The following CDH12 variants were observed in gnomAD, a reference collection of about 807,000 sequenced individuals.
The protein encoded by CDH12 is cadherin-12.
Under a neutral mutation model 74.1 loss-of-function variants are expected in CDH12, and 41 were observed. That is an observed-to-expected ratio of 0.55 (90% CI 0.43 to 0.72). The LOEUF is 0.72. Ranked by LOEUF, CDH12 falls within the 30% of genes least tolerant of loss-of-function variation. The pLI is 0.00. For missense variants in CDH12, 945 were observed against 977.2 expected, an observed-to-expected ratio of 0.97 and a Z score of 0.44; for synonymous variants, 399 against 355.0, an observed-to-expected ratio of 1.12 and a Z score of -1.39.
At chr5:22,230,013 G>A (rs187594203) in intron 3 of CDH12, among the ~76,000 whole-genome samples, 28 of 152,090 alleles carry the variant, frequency 1.8e-4, no homozygotes, top group African/African-American at 6.0e-4. Flanking sequence ...GTAGGACTAC[G>A]CTGCTATAAA....
chr5:21,773,375 G>A (rs1745426191), intron 11 of CDH12, among the ~76,000 whole-genome samples: 1 of 152,168 alleles, frequency 6.6e-6, no homozygotes, highest in African/African-American at 2.4e-5. Flanking sequence ...CTAATCAACT[G>A]CCAGTGGGGT....
At chr5:22,346,432 A>G (rs1221152361) in intron 3 of CDH12, among the ~76,000 whole-genome samples, 2 of 152,160 alleles carry the variant, frequency 1.3e-5, no homozygotes, top group African/African-American at 4.8e-5. Context: ...TTGTGGCCCA[A>G]ATTGAAAACA....
intron 1 of CDH12, among the ~76,000 whole-genome samples, chr5:22,712,102 G>T (rs899454759): frequency 7.2e-5 from 11 of 152,042 alleles, no homozygotes; most frequent in African/African-American, 2.4e-4. Flanking sequence ...TAAATGCTCA[G>T]TAAGTGGTGT....
chr5:22,734,189 C>G (rs1270541036), intron 1 of CDH12, among the ~76,000 whole-genome samples: 1 of 151,942 alleles, frequency 6.6e-6, no homozygotes, highest in East Asian at 1.9e-4. Flanking sequence ...ACATTAAATG[C>G]TTAGAAATTG....
intron 1 of CDH12, among the ~76,000 whole-genome samples, chr5:22,559,905 C>G (rs1738965703): frequency 6.6e-6 from 1 of 152,078 alleles, no homozygotes; most frequent in Admixed American, 6.5e-5. Context: ...TCCCTTAGCT[C>G]CAATCAGAGA....
chr5:22,402,553 T>C (rs1441299055), intron 3 of CDH12, among the ~76,000 whole-genome samples: 2 of 152,144 alleles, frequency 1.3e-5, no homozygotes, highest in African/African-American at 4.8e-5. Flanking sequence ...TGAAGTATGG[T>C]TTTTCCTTGT....
At chr5:22,676,089 A>G (rs1741175814) in intron 1 of CDH12, among the ~76,000 whole-genome samples, 1 of 151,738 alleles carries the variant, frequency 6.6e-6, no homozygotes, top group Non-Finnish European at 1.5e-5. Context: ...TTGAATTGAT[A>G]ATTATTCTCA....
chr5:22,622,053 G>A (rs1470255447), intron 1 of CDH12, among the ~76,000 whole-genome samples: 4 of 152,042 alleles, frequency 2.6e-5, no homozygotes, highest in Admixed American at 2.6e-4. Flanking sequence ...AAGCTAAACT[G>A]TAGGCAAATC....
chr5:22,722,055 A>C (rs1388562452), intron 1 of CDH12, among the ~76,000 whole-genome samples: 3 of 152,088 alleles, frequency 2.0e-5, no homozygotes, highest in Non-Finnish European at 4.4e-5. Flanking sequence ...TTTTGCTGAC[A>C]TATGTCACCT....
intron 1 of CDH12, among the ~76,000 whole-genome samples, chr5:22,589,914 C>T (rs1030720127): frequency 6.6e-6 from 1 of 152,106 alleles, no homozygotes; most frequent in African/African-American, 2.4e-5. Context: ...TGGGTTCTAA[C>T]CCACTATTAT....
At chr5:21,761,179 T>C (rs1172800850) in intron 12 of CDH12, among the ~76,000 whole-genome samples, 4 of 152,158 alleles carry the variant, frequency 2.6e-5, no homozygotes, top group Non-Finnish European at 4.4e-5. Context: ...GTTATGTTTT[T>C]CTTCATTCGG....
chr5:21,857,018 GCTGCT>G (rs1750788206), intron 6 of CDH12, among the ~76,000 whole-genome samples: 1 of 151,758 alleles, frequency 6.6e-6, no homozygotes, highest in South Asian at 2.1e-4. Flanking sequence ...TTCTTTGTCA[GCTGCT>G]TGATGACTGT....
intron 1 of CDH12, among the ~76,000 whole-genome samples, chr5:22,519,426 T>C (rs1255037294): frequency 1.0e-5 from 1 of 98,894 alleles, no homozygotes; most frequent in African/African-American, 3.8e-5. Context: ...TCCACACTCT[T>C]TTTTTTTTTT....
At position 21,842,269 on chromosome 5, in the gene CDH12, G is replaced by A. The variant is rs1319619179; in HGVS notation, c.706C>T (p.Leu236Phe). Residue 236 changes from leucine to phenylalanine, a missense_variant, in exon 8 of 15, where the codon CTC becomes TTC. By Grantham distance (22) the Leu-to-Phe change is conservative. Transcript: ENST00000382254. ...CCTCCCATATCCTTGGCTTGGATGA[G>A]TACTTGATATTGTTCTTTGACTTCT... ...DREVKEQYQV[L>F]IQAKDMGGQL... 6.2e-7 allele frequency: 1 copy of A among 1,613,026 alleles called. No individual in the cohort carries two copies. The highest frequency in any genetic ancestry group is 8.5e-7 in the Non-Finnish European group (1 of 1,179,226).
At chr5:22,161,869 A>T (rs905679915) in intron 4 of CDH12, among the ~76,000 whole-genome samples, 1 of 152,112 alleles carries the variant, frequency 6.6e-6, no homozygotes, top group Admixed American at 6.5e-5. Context: ...AATAACATGC[A>T]TAATAACTTT....
chr5:22,557,934 A>G (rs1288818040), intron 1 of CDH12, among the ~76,000 whole-genome samples: 3 of 152,082 alleles, frequency 2.0e-5, no homozygotes, highest in Non-Finnish European at 2.9e-5. Flanking sequence ...TGTCCAAATT[A>G]TTTATGTCCA....
chr5:22,801,835 T>TG (rs1748545528), intron 1 of CDH12, among the ~76,000 whole-genome samples: 1 of 151,434 alleles, frequency 6.6e-6, no homozygotes, highest in Non-Finnish European at 1.5e-5. Flanking sequence ...TGCATTTACT[T>TG]TAATTCAGTT....
chr5:21,796,535 TA>T (rs1324649350), intron 10 of CDH12, among the ~76,000 whole-genome samples: 1 of 152,116 alleles, frequency 6.6e-6, no homozygotes, highest in African/African-American at 2.4e-5. Flanking sequence ...TTAACCACTG[TA>T]ATTTTGAGTT....
At chr5:21,968,037 G>T (rs565761303) in intron 6 of CDH12, among the ~76,000 whole-genome samples, 1 of 152,278 alleles carries the variant, frequency 6.6e-6, no homozygotes, top group South Asian at 2.1e-4. Flanking sequence ...TGGGATAGAA[G>T]GTCATTATGT....
Sources: allele counts gnomAD v4.1 joint callset (sites outside exome capture counted in the v4.1 genomes callset), GRCh38; gene constraint gnomAD v4.1.1; transcripts MANE v1.5; gene names NCBI Gene and HGNC (gene_info 2026-07-23, HGNC 2026-07-21).